Variants in NT5DC3 observed in about 807,000 individuals in gnomAD.
NT5DC3 encodes the protein 5'-nucleotidase domain containing 3.
A neutral mutation model predicts 67.8 loss-of-function variants in NT5DC3; 42 were observed. That is an observed-to-expected ratio of 0.62 (90% confidence interval 0.48 to 0.80). The LOEUF is 0.80. Among genes scored for constraint, NT5DC3 ranks in the 30% least tolerant of loss-of-function variants. The pLI, the probability that NT5DC3 is intolerant of heterozygous loss-of-function variation, is 0.00. For synonymous variants in NT5DC3, 237 were observed against 255.6 expected (o/e 0.93, Z 0.69); for missense variants, 570 against 696.4 (o/e 0.82, Z 2.04).
the NT5DC3 span, chr12:103,761,322 G>T: frequency 8.7e-6 from 14 of 1,614,082 alleles, no homozygotes; most frequent in Non-Finnish European, 8.5e-7. Flanking sequence ...TTTGTTGATG[G>T]AAGAGCCATT....
At chr12:103,807,027 C>A in intron 2 of NT5DC3, 98 bp from the exon 3 acceptor site, 1 of 716,808 alleles carries the variant, frequency 1.4e-6, no homozygotes, top group South Asian at 1.5e-5. Context: ...GTAGTTGATA[C>A]ACCAGTGGGA....
At chr12:103,764,166 T>C in the NT5DC3 span, among the ~76,000 whole-genome samples, 297 of 152,238 alleles carry the variant, frequency 2.0e-3, 2 homozygotes, top group African/African-American at 6.9e-3. Flanking sequence ...TTGGTCAGGC[T>C]GGTCTCGAAC....
At chr12:103,822,265 T>A (rs1236349999) in intron 1 of NT5DC3, among the ~76,000 whole-genome samples, 1 of 150,596 alleles carries the variant, frequency 6.6e-6, no homozygotes. Context: ...CACCTATGCA[T>A]CTAAAAATAT....
chr12:103,794,540 G>A (rs1274046859), intron 6 of NT5DC3, among the ~76,000 whole-genome samples: 1 of 152,224 alleles, frequency 6.6e-6, no homozygotes, highest in African/African-American at 2.4e-5. Flanking sequence ...TCAAAAGAGT[G>A]CTTGGAAGAG....
downstream of NT5DC3, among the ~76,000 whole-genome samples, chr12:103,765,636 T>A (rs1244900503): frequency 6.6e-6 from 1 of 152,170 alleles, no homozygotes; most frequent in Non-Finnish European, 1.5e-5. Context: ...CCATCAGGGC[T>A]CACTGCAAGC....
chr12:103,830,190 A>G (rs1887868357), intron 1 of NT5DC3, among the ~76,000 whole-genome samples: 1 of 152,252 alleles, frequency 6.6e-6, no homozygotes, highest in Non-Finnish European at 1.5e-5. Context: ...TTTACATATA[A>G]GGAAACTGAG....
chr12:103,828,699 T>TC (rs1887796878), intron 1 of NT5DC3, among the ~76,000 whole-genome samples: 1 of 144,230 alleles, frequency 6.9e-6, no homozygotes, highest in African/African-American at 2.5e-5. Flanking sequence ...TTTCTTTCTT[T>TC]TTATTTTTTT....
rs1386723311 is a variant in NT5DC3, at chr12:103,815,790, G to A, written c.209-669C>T. On this transcript the variant is annotated intron_variant, in intron 1 of 13. Transcript: ENST00000392876. ...CTGGGAGACTTTAAAAGGGTGAATTGTATGGTATATAAATTATTCCTCAAT... is the reference window on the plus strand; with the variant it reads ...CTGGGAGACTTTAAAAGGGTGAATTATATGGTATATAAATTATTCCTCAAT... 2.0e-5 allele frequency among the ~76,000 whole-genome samples: 3 copies of A among 152,198 alleles called. No homozygotes were observed. The East Asian group carries it at 5.8e-4, about 29-fold the overall frequency.
intron 1 of NT5DC3, among the ~76,000 whole-genome samples, chr12:103,824,500 G>T (rs1028443854): frequency 6.6e-6 from 1 of 152,160 alleles, no homozygotes; most frequent in Non-Finnish European, 1.5e-5. Flanking sequence ...ACAGCTGCTG[G>T]TCCAGGGCAG....
the NT5DC3 span, among the ~76,000 whole-genome samples, chr12:103,756,747 G>T: frequency 6.6e-6 from 1 of 152,050 alleles, no homozygotes; most frequent in Admixed American, 6.5e-5. Context: ...AGGGCTTGTA[G>T]GATCCATGTG....
chr12:103,812,402 T>C (rs114930329), intron 2 of NT5DC3, among the ~76,000 whole-genome samples: 42 of 152,330 alleles, frequency 2.8e-4, no homozygotes, highest in African/African-American at 1.0e-3. Context: ...GTATTATAAC[T>C]ATAGTTTTAT....
At chr12:103,818,915 G>C (rs781674348) in intron 1 of NT5DC3, among the ~76,000 whole-genome samples, 1 of 152,168 alleles carries the variant, frequency 6.6e-6, no homozygotes, top group Non-Finnish European at 1.5e-5. Flanking sequence ...TGCAAGTGAA[G>C]GGGAATCGCT....
At chr12:103,805,453 C>G (rs1335598846) in intron 4 of NT5DC3, among the ~76,000 whole-genome samples, 1 of 152,120 alleles carries the variant, frequency 6.6e-6, no homozygotes, top group Non-Finnish European at 1.5e-5. Context: ...TAAGCTAAGA[C>G]ATACTTTTAA....
chr12:103,812,258 T>C (rs2139411725), intron 2 of NT5DC3, among the ~76,000 whole-genome samples: 1 of 152,332 alleles, frequency 6.6e-6, no homozygotes, highest in South Asian at 2.1e-4. Flanking sequence ...TTTCTACAAC[T>C]ACACAAAGTG....
chr12:103,765,753 G>GCTGATCTCGAACTCCGA (rs1884903483), downstream of NT5DC3, among the ~76,000 whole-genome samples: 1 of 152,080 alleles, frequency 6.6e-6, no homozygotes, highest in Non-Finnish European at 1.5e-5. Flanking sequence ...TGTTGCTCAG[G>GCTGATCTCGAACTCCGA]CTGATCTCGA....
At chr12:103,766,259 G>A, downstream of NT5DC3, 1 of 1,613,936 alleles carries the variant, frequency 6.2e-7, no homozygotes, top group South Asian at 1.1e-5. Context: ...AGAATGCCCT[G>A]CCCCCTTACA....
In NT5DC3 at chr12:103,776,014, C is replaced by T. The variant is rs991106281; in HGVS notation, c.*1815G>A. ...AGATTTAAGAATATATACAAGTTAC[C>T]GCAAAAGCTTAAAATGAGTTTTAGC... On this transcript the variant is annotated 3_prime_UTR_variant, in exon 14 of 14. Transcript: ENST00000392876. 5.3e-5 allele frequency: 8 copies of T among 152,000 alleles called. No homozygotes were observed. In the South Asian group the frequency reaches 6.2e-4, roughly 12 times the overall value. The allele number at this position is 152,000 out of a possible 1,614,324, so 9.4% of individuals were successfully genotyped here.
At chr12:103,813,177 C>G (rs3935416) in intron 2 of NT5DC3, among the ~76,000 whole-genome samples, 43,904 of 152,102 alleles carry the variant, frequency 0.29, 6,917 homozygotes, top group East Asian at 0.59. Flanking sequence ...GAAATGCCAG[C>G]ACCAATATAA....
chr12:103,802,027 C>T (rs533374352), intron 4 of NT5DC3: 3 of 152,248 alleles, frequency 2.0e-5, no homozygotes, highest in South Asian at 2.1e-4. Flanking sequence ...GGGTTCGCAC[C>T]CAGGAAGCGT....
Sources: allele counts gnomAD v4.1 joint callset (sites outside exome capture counted in the v4.1 genomes callset), GRCh38; gene constraint gnomAD v4.1.1; transcripts MANE v1.5; gene names NCBI Gene and HGNC (gene_info 2026-07-23, HGNC 2026-07-21).